The following BCL2A1 variants were observed in gnomAD, a reference collection of about 807,000 sequenced individuals.
BCL2A1 encodes the protein bcl-2-related protein A1.
BCL2A1 carries 10 observed loss-of-function variants against 14.4 expected under a neutral mutation model. The observed-to-expected ratio is 0.69, with a 90% CI of 0.43 to 1.18. The LOEUF (loss-of-function observed/expected upper bound fraction) is 1.18, where lower values mean the gene tolerates loss of function less well. BCL2A1 is among the 50% of genes most tolerant of loss of function. BCL2A1 has a pLI of 0.00. For missense variants in BCL2A1, 158 were observed against 205.0 expected, an observed-to-expected ratio of 0.77 and a Z score of 1.40; for synonymous variants, 71 against 76.5, an observed-to-expected ratio of 0.93 and a Z score of 0.38.
intron 1 of BCL2A1, chr15:79,967,816 G>A: frequency 1.6e-6 from 1 of 639,272 alleles, no homozygotes; most frequent in Non-Finnish European, 2.8e-6. Flanking sequence ...GCCTATCGTT[G>A]ACAGAATCAA....
intron 1 of BCL2A1, among the ~76,000 whole-genome samples, chr15:79,967,335 G>A (rs569137553): frequency 6.7e-6 from 1 of 148,996 alleles, no homozygotes; most frequent in African/African-American, 2.5e-5. Flanking sequence ...TCCTGCCTTA[G>A]CCTCCTAAGT....
Position 79,961,191 on chromosome 15 carries a change from T to G in BCL2A1, c.421-17A>C, listed in dbSNP as rs1731213621. 1.9e-6 allele frequency: 3 copies of G among 1,602,194 alleles called. No homozygotes were observed. Among genetic ancestry groups the G allele is most frequent in the African/African-American group, 2.7e-5 (2 of 74,578 alleles). ...GCCATTTTCCTATAAAAGAATAAAT[T>G]TAACACTTTAAACATCATTGGAGAT... On this transcript the variant is annotated splice_polypyrimidine_tract_variant and intron_variant, in intron 1 of 1. Coordinates refer to ENST00000267953, the MANE Select transcript of BCL2A1 (RefSeq NM_004049.4).
intron 1 of BCL2A1, among the ~76,000 whole-genome samples, chr15:79,968,535 C>T (rs1332618871): frequency 6.6e-6 from 1 of 152,218 alleles, no homozygotes; most frequent in Non-Finnish European, 1.5e-5. Context: ...AAAAAGGCAT[C>T]AAGTAAAAGA....
At chr15:79,969,011 CAAAAT>C (rs747021915) in intron 1 of BCL2A1, among the ~76,000 whole-genome samples, 5 of 151,692 alleles carry the variant, frequency 3.3e-5, no homozygotes, top group Non-Finnish European at 7.4e-5. Flanking sequence ...AAGAAAAAGA[CAAAAT>C]AAAAGGAAAA....
chr15:79,967,221 C>CTTTTTTTTTTTTTTTTTTTTTT (rs766307327), intron 1 of BCL2A1, among the ~76,000 whole-genome samples: 1 of 115,048 alleles, frequency 8.7e-6, no homozygotes, highest in Admixed American at 9.4e-5. Flanking sequence ...TCACATACCG[C>CTTTTTTTTTTTTTTTTTTTTTT]TTTTTTTTTT....
chr15:79,968,693 G>A (rs1408264796), intron 1 of BCL2A1, among the ~76,000 whole-genome samples: 1 of 152,228 alleles, frequency 6.6e-6, no homozygotes, highest in East Asian at 1.9e-4. Flanking sequence ...CACTTTGGGA[G>A]GCCAAAGGGG....
intron 1 of BCL2A1, among the ~76,000 whole-genome samples, chr15:79,966,355 A>G (rs2035541546): frequency 6.6e-6 from 1 of 152,192 alleles, no homozygotes. Flanking sequence ...GAGTTCAAAT[A>G]TTCAGTTTCA....
chr15:79,964,292 C>A (rs901594867), intron 1 of BCL2A1, among the ~76,000 whole-genome samples: 1 of 151,868 alleles, frequency 6.6e-6, no homozygotes, highest in African/African-American at 2.4e-5. Context: ...CAAAGAAAAT[C>A]AAAATCTCAG....
intron 1 of BCL2A1, chr15:79,967,522 G>T (rs971677278): frequency 5.1e-6 from 6 of 1,172,944 alleles, no homozygotes; most frequent in East Asian, 2.6e-5. Context: ...GGCACATACC[G>T]CATTGTTGAT....
At chr15:79,966,292 A>G (rs2035540883) in intron 1 of BCL2A1, among the ~76,000 whole-genome samples, 1 of 152,206 alleles carries the variant, frequency 6.6e-6, no homozygotes. Flanking sequence ...TCTGAGTCTC[A>G]GAGTACCTCA....
chr15:79,968,263 T>C (rs1410306476), intron 1 of BCL2A1, among the ~76,000 whole-genome samples: 2 of 152,216 alleles, frequency 1.3e-5, no homozygotes, highest in Non-Finnish European at 2.9e-5. Flanking sequence ...GTAGAGTATT[T>C]CTCTGCAGGC....
At chr15:79,967,840 C>G (rs905258066) in intron 1 of BCL2A1, 1 of 590,230 alleles carries the variant, frequency 1.7e-6, no homozygotes, top group Non-Finnish European at 3.0e-6. Flanking sequence ...CTCATCTGAG[C>G]TGGGAAAGCG....
intron 1 of BCL2A1, 121 bp downstream of exon 1, chr15:79,970,579 A>G: frequency 9.4e-7 from 1 of 1,066,244 alleles, no homozygotes; most frequent in Non-Finnish European, 1.3e-6. Context: ...AATTAAAACA[A>G]ACCACCCAAG....
intron 1 of BCL2A1, among the ~76,000 whole-genome samples, chr15:79,966,793 C>T (rs1399972983): frequency 1.4e-5 from 2 of 145,158 alleles, no homozygotes; most frequent in East Asian, 2.0e-4. Context: ...AAGCCACAAA[C>T]AAAAGAAGGC....
At chr15:79,967,722 T>C (rs758931527) in intron 1 of BCL2A1, 2 of 1,343,322 alleles carry the variant, frequency 1.5e-6, no homozygotes, top group South Asian at 2.4e-5. Flanking sequence ...AGTAAATTCA[T>C]TCATTTAAGC....
chr15:79,970,318 T>G (rs1378057515), intron 1 of BCL2A1, among the ~76,000 whole-genome samples: 2 of 152,212 alleles, frequency 1.3e-5, no homozygotes, highest in Non-Finnish European at 2.9e-5. Context: ...CAACTTTCTG[T>G]GCTGATTGTA....
intron 1 of BCL2A1, among the ~76,000 whole-genome samples, chr15:79,968,412 G>A (rs1319721551): frequency 2.0e-5 from 3 of 152,164 alleles, no homozygotes; most frequent in Non-Finnish European, 4.4e-5. Context: ...CACATGATTC[G>A]CCCAGCCTCA....
chr15:79,964,053 CA>C (rs2035515291), intron 1 of BCL2A1, among the ~76,000 whole-genome samples: 1 of 152,006 alleles, frequency 6.6e-6, no homozygotes, highest in African/African-American at 2.4e-5. Flanking sequence ...TTCTTCCTTT[CA>C]AAAATGTTAT....
chr15:79,967,594 G>T (rs376373703), intron 1 of BCL2A1: 33 of 1,569,958 alleles, frequency 2.1e-5, no homozygotes, highest in African/African-American at 2.7e-5. Context: ...GATTGTATGT[G>T]CTCACATCTT....
Sources: gnomAD v4.1 joint callset for allele counts (sites outside exome capture counted in the v4.1 genomes callset) on GRCh38, gnomAD v4.1.1 for gene constraint, MANE v1.5 for transcripts, NCBI Gene and HGNC (gene_info 2026-07-23, HGNC 2026-07-21) for gene names.